MMP16: variants seen among roughly 807,000 people sequenced by gnomAD.
The protein encoded by MMP16 is matrix metalloproteinase-16.
MMP16 carries 12 observed loss-of-function variants against 67.8 expected under a neutral mutation model. That is an observed-to-expected ratio of 0.18 (90% CI 0.11 to 0.29). MMP16 has a LOEUF of 0.29. MMP16 is among the 10% of genes least tolerant of loss of function. The pLI is 1.00. For synonymous variants in MMP16, 249 were observed against 255.9 expected (o/e 0.97, Z 0.26); for missense variants, 475 against 765.7 (o/e 0.62, Z 4.48).
chr8:88,209,718 T>C (rs1809484650), intron 1 of MMP16, among the ~76,000 whole-genome samples: 1 of 151,172 alleles, frequency 6.6e-6, no homozygotes. Flanking sequence ...ATTATAATAT[T>C]TGTCCTTTTG....
chr8:88,262,410 A>G (rs1306781035), intron 1 of MMP16, among the ~76,000 whole-genome samples: 2 of 152,214 alleles, frequency 1.3e-5, no homozygotes, highest in African/African-American at 2.4e-5. Flanking sequence ...ATAAAACTCT[A>G]AAGTATTTTT....
chr8:88,228,720 CCCTTTG>C, intron 1 of MMP16, among the ~76,000 whole-genome samples: 1 of 151,920 alleles, frequency 6.6e-6, no homozygotes, highest in East Asian at 1.9e-4. Context: ...TATAATGCAC[CCCTTTG>C]CTCACAAATA....
chr8:88,226,618 A>C (rs1222925038), intron 1 of MMP16, among the ~76,000 whole-genome samples: 1 of 152,020 alleles, frequency 6.6e-6, no homozygotes, highest in Non-Finnish European at 1.5e-5. Flanking sequence ...CATGCTTGAA[A>C]ATTCTTAACT....
intron 1 of MMP16, among the ~76,000 whole-genome samples, chr8:88,216,227 TAAACTA>T (rs1448693978): frequency 6.6e-6 from 1 of 152,156 alleles, no homozygotes; most frequent in Admixed American, 6.6e-5. Flanking sequence ...TGATCCATTA[TAAACTA>T]AAACTAAAAG....
intron 1 of MMP16, among the ~76,000 whole-genome samples, chr8:88,219,535 T>C (rs1415210177): frequency 6.6e-6 from 1 of 152,102 alleles, no homozygotes; most frequent in African/African-American, 2.4e-5. Flanking sequence ...TATTCTTCTA[T>C]AAGAATTTTA....
chr8:88,309,188 C>T (rs878904909), intron 1 of MMP16, among the ~76,000 whole-genome samples: 2 of 151,956 alleles, frequency 1.3e-5, no homozygotes, highest in African/African-American at 4.8e-5. Context: ...TAGATAAGTA[C>T]ACTGCATTAT....
intron 1 of MMP16, among the ~76,000 whole-genome samples, chr8:88,300,398 C>A (rs1025456621): frequency 2.0e-5 from 3 of 152,146 alleles, no homozygotes; most frequent in Admixed American, 2.0e-4. Context: ...CCTTTCTGAA[C>A]AGCATGATGA....
At position 88,179,886 on chromosome 8, in the gene MMP16, C is replaced by T. The variant is rs931805131; in HGVS notation, c.404+6590G>A. ...TGGTCAACTAAAACCAGAGAAGGCA[C>T]TGGAAGAGGGGAAGACAAAAACAAG... On this transcript the variant is annotated intron_variant, in intron 3 of 9. Coordinates refer to ENST00000286614, the MANE Select transcript of MMP16 (RefSeq NM_005941.5). Among the ~76,000 whole-genome samples, 10 of 152,112 alleles carry T rather than the reference C, an allele frequency of 6.6e-5. 1 individual carries two copies. Among genetic ancestry groups the T allele is most frequent in the Admixed American group, 4.6e-4 (7 of 15,272 alleles).
intron 4 of MMP16, among the ~76,000 whole-genome samples, chr8:88,148,549 C>T (rs1808335047): frequency 6.6e-6 from 1 of 152,172 alleles, no homozygotes; most frequent in South Asian, 2.1e-4. Flanking sequence ...AACGCGGGAG[C>T]TTCAGATTCA....
chr8:88,048,043 A>G (rs1371457365), intron 8 of MMP16, among the ~76,000 whole-genome samples: 1 of 152,230 alleles, frequency 6.6e-6, no homozygotes, highest in Non-Finnish European at 1.5e-5. Flanking sequence ...AAGAATTTTA[A>G]GCCCGATTAT....
intron 3 of MMP16, among the ~76,000 whole-genome samples, chr8:88,172,770 G>A (rs1406513052): frequency 6.6e-6 from 1 of 151,920 alleles, no homozygotes; most frequent in Non-Finnish European, 1.5e-5. Context: ...TTATTTCACT[G>A]ATTCTTTCAA....
At chr8:88,244,810 G>A (rs1263411228) in intron 1 of MMP16, among the ~76,000 whole-genome samples, 3 of 152,080 alleles carry the variant, frequency 2.0e-5, no homozygotes, top group Non-Finnish European at 4.4e-5. Context: ...GTTAGAGAAA[G>A]ATTTTGAACA....
At chr8:88,067,544 A>G (rs894960136) in intron 7 of MMP16, among the ~76,000 whole-genome samples, 3 of 151,984 alleles carry the variant, frequency 2.0e-5, no homozygotes, top group African/African-American at 7.3e-5. Context: ...GAAAATGAAC[A>G]TTTCATCATT....
chr8:88,254,503 A>C (rs1420705013), intron 1 of MMP16, among the ~76,000 whole-genome samples: 1 of 151,968 alleles, frequency 6.6e-6, no homozygotes, highest in Non-Finnish European at 1.5e-5. Flanking sequence ...CTCCTGCCTC[A>C]AACTCCCAAC....
At chr8:88,259,850 C>A (rs888459234) in intron 1 of MMP16, among the ~76,000 whole-genome samples, 6 of 152,170 alleles carry the variant, frequency 3.9e-5, no homozygotes, top group Non-Finnish European at 7.4e-5. Context: ...GCATCAATGT[C>A]AATGAGAATG....
chr8:88,308,977 T>A (rs1056763405), intron 1 of MMP16, among the ~76,000 whole-genome samples: 1 of 151,210 alleles, frequency 6.6e-6, no homozygotes, highest in African/African-American at 2.4e-5. Flanking sequence ...AATTTACACT[T>A]GCAAAAAAAA....
chr8:88,225,217 A>G (rs1413848606), intron 1 of MMP16, among the ~76,000 whole-genome samples: 2 of 152,034 alleles, frequency 1.3e-5, no homozygotes, highest in African/African-American at 2.4e-5. Context: ...ATAAAAATGC[A>G]CTAAGAGAAA....
At chr8:88,307,449 A>G (rs1811227712) in intron 1 of MMP16, among the ~76,000 whole-genome samples, 1 of 152,126 alleles carries the variant, frequency 6.6e-6, no homozygotes, top group African/African-American at 2.4e-5. Context: ...ACGGAAATAG[A>G]GAATGTTAAA....
At chr8:88,261,516 T>C (rs1464495226) in intron 1 of MMP16, among the ~76,000 whole-genome samples, 1 of 152,026 alleles carries the variant, frequency 6.6e-6, no homozygotes, top group African/African-American at 2.4e-5. Flanking sequence ...GTATAATCGA[T>C]GTTTCTCTTT....
Sources: allele counts gnomAD v4.1 joint callset (sites outside exome capture counted in the v4.1 genomes callset), GRCh38; gene constraint gnomAD v4.1.1; transcripts MANE v1.5; gene names NCBI Gene and HGNC (gene_info 2026-07-23, HGNC 2026-07-21).